The following CACNA2D3 variants were observed in gnomAD, a reference collection of about 807,000 sequenced individuals.
CACNA2D3 encodes the protein voltage-dependent calcium channel subunit alpha-2/delta-3.
Under a neutral mutation model 160.6 loss-of-function variants are expected in CACNA2D3, and 60 were observed. The observed-to-expected ratio is 0.37, with a 90% CI of 0.30 to 0.46. The LOEUF (loss-of-function observed/expected upper bound fraction) is 0.46. Among genes scored for constraint, CACNA2D3 ranks in the 20% least tolerant of loss-of-function variants. CACNA2D3 has a pLI of 1.00. For missense variants in CACNA2D3, 1,205 were observed against 1,365.0 expected, an observed-to-expected ratio of 0.88 and a Z score of 1.85; for synonymous variants, 558 against 492.9, an observed-to-expected ratio of 1.13 and a Z score of -1.75.
intron 11 of CACNA2D3, among the ~76,000 whole-genome samples, chr3:54,751,005 C>T (rs527893533): frequency 4.6e-5 from 7 of 152,106 alleles, no homozygotes; most frequent in East Asian, 3.9e-4. Context: ...CTCCTGACCT[C>T]GTGATCTGCC....
intron 13 of CACNA2D3, among the ~76,000 whole-genome samples, chr3:54,789,149 C>T (rs1246275902): frequency 1.3e-5 from 2 of 152,076 alleles, no homozygotes; most frequent in African/African-American, 4.8e-5. Flanking sequence ...ATAAGCATAT[C>T]ATTAAGTATA....
chr3:54,694,468 A>G (rs1257158784), intron 11 of CACNA2D3, among the ~76,000 whole-genome samples: 1 of 152,224 alleles, frequency 6.6e-6, no homozygotes, highest in African/African-American at 2.4e-5. Flanking sequence ...AGAAAATACT[A>G]TACACACTGA....
At chr3:54,349,779 CTTCT>C (rs1698521607) in intron 3 of CACNA2D3, among the ~76,000 whole-genome samples, 1 of 152,194 alleles carries the variant, frequency 6.6e-6, no homozygotes, top group Admixed American at 6.5e-5. Context: ...CTGTTCATGA[CTTCT>C]TTAAGTTCTT....
chr3:54,254,120 A>G (rs1702249688), intron 2 of CACNA2D3, among the ~76,000 whole-genome samples: 1 of 152,080 alleles, frequency 6.6e-6, no homozygotes, highest in Admixed American at 6.5e-5. Flanking sequence ...TGGGCTCAAA[A>G]ATATGTATTT....
At chr3:54,945,444 T>C (rs992145591) in intron 27 of CACNA2D3, among the ~76,000 whole-genome samples, 1 of 152,186 alleles carries the variant, frequency 6.6e-6, no homozygotes, top group Non-Finnish European at 1.5e-5. Flanking sequence ...CAGGCATGTA[T>C]CTCTTTTTCC....
intron 5 of CACNA2D3, among the ~76,000 whole-genome samples, chr3:54,535,916 T>A (rs1002299736): frequency 5.9e-5 from 9 of 152,186 alleles, no homozygotes; most frequent in Non-Finnish European, 1.0e-4. Context: ...GGAAAACAGA[T>A]GAAGTGGCCA....
At chr3:54,173,215 T>C (rs539722603) in intron 2 of CACNA2D3, among the ~76,000 whole-genome samples, 1 of 152,324 alleles carries the variant, frequency 6.6e-6, no homozygotes, top group African/African-American at 2.4e-5. Context: ...TTTCTCTGAC[T>C]TATTTGATCT....
At chr3:54,719,163 CTTT>C (rs527632302) in intron 11 of CACNA2D3, among the ~76,000 whole-genome samples, 5 of 132,698 alleles carry the variant, frequency 3.8e-5, no homozygotes, top group African/African-American at 1.4e-4. Flanking sequence ...CACTGGATTT[CTTT>C]TTTTTTTTTT....
intron 2 of CACNA2D3, among the ~76,000 whole-genome samples, chr3:54,146,028 T>G (rs902662584): frequency 1.3e-5 from 2 of 152,232 alleles, no homozygotes; most frequent in African/African-American, 2.4e-5. Flanking sequence ...CTGTATTATA[T>G]TTTTCACTTC....
chr3:54,933,433 T>C (rs1701255272), intron 27 of CACNA2D3, among the ~76,000 whole-genome samples: 1 of 152,204 alleles, frequency 6.6e-6, no homozygotes, highest in South Asian at 2.1e-4. Flanking sequence ...TCTTCTTGGC[T>C]CTCAGAGCCC....
chr3:54,891,962 G>A (rs750908655), intron 25 of CACNA2D3, among the ~76,000 whole-genome samples: 3 of 152,156 alleles, frequency 2.0e-5, no homozygotes, highest in Non-Finnish European at 4.4e-5. Flanking sequence ...GGGGATGCTG[G>A]GGTTTGACAG....
At chr3:54,239,291 C>T (rs1252083712) in intron 2 of CACNA2D3, among the ~76,000 whole-genome samples, 2 of 152,134 alleles carry the variant, frequency 1.3e-5, no homozygotes, top group Non-Finnish European at 2.9e-5. Context: ...AGTTATTGTA[C>T]TGGTTAAATG....
chr3:54,786,824 G>C (rs1398945533), intron 13 of CACNA2D3, among the ~76,000 whole-genome samples: 2 of 152,108 alleles, frequency 1.3e-5, no homozygotes, highest in Non-Finnish European at 2.9e-5. Flanking sequence ...TGACACCTCA[G>C]AGAGCCTGCA....
At chr3:54,320,627 T>C in intron 3 of CACNA2D3, 69 bp downstream of exon 3, 1 of 689,710 alleles carries the variant, frequency 1.4e-6, no homozygotes, top group South Asian at 2.2e-5. Flanking sequence ...ATGGCATTGA[T>C]GAACCAATCT....
intron 11 of CACNA2D3, among the ~76,000 whole-genome samples, chr3:54,745,142 C>T (rs1052470518): frequency 1.3e-5 from 2 of 152,124 alleles, no homozygotes; most frequent in Non-Finnish European, 2.9e-5. Context: ...CAGGGAAGTG[C>T]CAAGGCAAGA....
intron 35 of CACNA2D3, among the ~76,000 whole-genome samples, chr3:55,072,083 A>G (rs945984083): frequency 6.6e-6 from 1 of 152,246 alleles, no homozygotes; most frequent in Non-Finnish European, 1.5e-5. Flanking sequence ...AGATACAGAC[A>G]GATATAGATG....
chr3:54,813,493 A>T (rs1158841586), intron 13 of CACNA2D3, among the ~76,000 whole-genome samples: 1 of 152,178 alleles, frequency 6.6e-6, no homozygotes, highest in East Asian at 1.9e-4. Context: ...CTATTCCTCT[A>T]GCAGATATAT....
intron 17 of CACNA2D3, among the ~76,000 whole-genome samples, chr3:54,863,351 G>A (rs1396944613): frequency 6.6e-6 from 1 of 152,104 alleles, no homozygotes; most frequent in African/African-American, 2.4e-5. Context: ...TTGCCGAGGA[G>A]CATTCTTTTC....
Position 54,626,605 on chromosome 3 carries a change from G to A in CACNA2D3, c.964-1182G>A, listed in dbSNP as rs1699113123. ...CAAGCCCATAAAGCACGGCGGGCCC[G>A]GCATCGGGGCCAGCCACTCCTCCCG... is the stretch of plus-strand genomic sequence containing the variant. On this transcript the variant is annotated intron_variant, in intron 9 of 37. Coordinates refer to ENST00000474759, the MANE Select transcript of CACNA2D3 (RefSeq NM_018398.3). The A allele has an allele frequency of 4.1e-6, 6 of 1,446,368 alleles. No individual in the cohort carries two copies. The African/African-American group carries it at 8.6e-5, about 21-fold the overall frequency. The allele number at this position is 1,446,368 out of a possible 1,614,324, so 89.6% of individuals were successfully genotyped here.
Sources: allele counts gnomAD v4.1 joint callset (sites outside exome capture counted in the v4.1 genomes callset), GRCh38; gene constraint gnomAD v4.1.1; transcripts MANE v1.5; gene names NCBI Gene and HGNC (gene_info 2026-07-23, HGNC 2026-07-21).